FYB2: variants seen among roughly 807,000 people sequenced by gnomAD.
FYB2 encodes the protein FYN-binding protein 2.
A neutral mutation model predicts 94.1 loss-of-function variants in FYB2; 103 were observed. The observed-to-expected ratio is 1.09, with a 90% CI of 0.93 to 1.29. The LOEUF is 1.29. Ranked by LOEUF, FYB2 falls within the 50% of genes most tolerant of loss-of-function variation. The pLI, the probability that FYB2 is intolerant of heterozygous loss-of-function variation, is 0.00. For synonymous variants in FYB2, 293 were observed against 287.9 expected (o/e 1.02, Z -0.18); for missense variants, 896 against 841.5 (o/e 1.06, Z -0.80).
intron 12 of FYB2, 111 bp downstream of exon 12, chr1:56,742,050 G>C: frequency 1.3e-6 from 1 of 766,618 alleles, no homozygotes; most frequent in Non-Finnish European, 2.2e-6. Flanking sequence ...GATGGGAGTC[G>C]GGGGTGGCAG....
intron 5 of FYB2, among the ~76,000 whole-genome samples, chr1:56,765,017 C>G (rs954615894): frequency 2.6e-5 from 4 of 152,158 alleles, no homozygotes; most frequent in Non-Finnish European, 5.9e-5. Context: ...TAAATACCAT[C>G]GCATTGGGGG....
intron 5 of FYB2, among the ~76,000 whole-genome samples, chr1:56,765,266 T>G (rs1025791910): frequency 2.0e-5 from 3 of 152,212 alleles, no homozygotes; most frequent in African/African-American, 7.2e-5. Flanking sequence ...ATGAAGATCC[T>G]TTCTACTAGG....
intron 1 of FYB2, among the ~76,000 whole-genome samples, chr1:56,810,121 AT>A (rs1646732973): frequency 6.6e-6 from 1 of 152,166 alleles, no homozygotes; most frequent in South Asian, 2.1e-4. Flanking sequence ...GATCATGGTG[AT>A]TTTTAGTGAT....
intron 1 of FYB2, among the ~76,000 whole-genome samples, chr1:56,811,624 C>T (rs897976277): frequency 2.6e-5 from 4 of 152,170 alleles, no homozygotes; most frequent in African/African-American, 9.7e-5. Context: ...CTATGTGGCT[C>T]AAACAAGAGA....
chr1:56,818,649 G>A (rs1315736070), intron 1 of FYB2, among the ~76,000 whole-genome samples: 1 of 152,202 alleles, frequency 6.6e-6, no homozygotes, highest in African/African-American at 2.4e-5. Flanking sequence ...GGCAGGGAAT[G>A]CTGGCGTAGG....
chr1:56,757,348 G>A (rs2100735353), intron 6 of FYB2, among the ~76,000 whole-genome samples: 1 of 152,086 alleles, frequency 6.6e-6, no homozygotes, highest in East Asian at 2.0e-4. Context: ...TTACCAGCAA[G>A]CATAAGAGAA....
At chr1:56,784,007 C>T (rs1441622739) in intron 4 of FYB2, among the ~76,000 whole-genome samples, 1 of 152,038 alleles carries the variant, frequency 6.6e-6, no homozygotes, top group Non-Finnish European at 1.5e-5. Flanking sequence ...TTTTATTTAC[C>T]CTCACCACAC....
intron 1 of FYB2, among the ~76,000 whole-genome samples, chr1:56,795,180 T>C (rs188257558): frequency 6.6e-6 from 1 of 152,210 alleles, no homozygotes; most frequent in African/African-American, 2.4e-5. Flanking sequence ...TTCTACACTC[T>C]GTCTCTGAAT....
intron 3 of FYB2, among the ~76,000 whole-genome samples, chr1:56,787,853 T>C (rs1219201825): frequency 6.6e-6 from 1 of 152,218 alleles, no homozygotes; most frequent in Non-Finnish European, 1.5e-5. Flanking sequence ...AGAGAATATT[T>C]GAGGCCTGAA....
chr1:56,776,559 A>C (rs113874280), intron 4 of FYB2, among the ~76,000 whole-genome samples: 5 of 152,180 alleles, frequency 3.3e-5, no homozygotes, highest in African/African-American at 1.2e-4. Context: ...CTTCAACAGC[A>C]TGAAACAAAA....
chr1:56,818,631 A>T (rs11206924), intron 1 of FYB2, among the ~76,000 whole-genome samples: 23,890 of 152,160 alleles, frequency 0.16, 2,403 homozygotes, highest in African/African-American at 0.29. Context: ...GCACTCAGCC[A>T]TCCAAGGGGC....
rs891960821 is a variant in FYB2, at chr1:56,765,614, T to C, written c.1063+2215A>G. On this transcript the variant is annotated intron_variant, in intron 5 of 19. Coordinates refer to ENST00000343433, the MANE Select transcript of FYB2 (RefSeq NM_001004303.5). ...CTGTCTTTCTAGGTTGCCCTTTTCC[T>C]GGTCGTTTGGCTAGAAAGAGCAGGC... 1.6e-4 allele frequency among the ~76,000 whole-genome samples: 24 copies of C among 152,328 alleles called. No individual in the cohort carries two copies. In the South Asian group the frequency reaches 2.1e-3, roughly 13 times the overall value.
intron 1 of FYB2, among the ~76,000 whole-genome samples, chr1:56,802,966 C>A (rs1323311434): frequency 1.3e-5 from 2 of 152,268 alleles, no homozygotes; most frequent in African/African-American, 4.8e-5. Flanking sequence ...TCTATAAAAT[C>A]TCTTCCATCC....
chr1:56,806,009 C>T (rs181623226), intron 1 of FYB2, among the ~76,000 whole-genome samples: 1 of 152,320 alleles, frequency 6.6e-6, no homozygotes, highest in African/African-American at 2.4e-5. Flanking sequence ...CTATGCTATA[C>T]GACATGCCTT....
In FYB2 at chr1:56,792,552, A is replaced by G. The variant is rs1646296001; in HGVS notation, c.261T>C (p.Ile87=). ...GCCCTGGGGAGTTAGAACATTTTGG[A>G]ATTTCACTCTTCTGAGCCAACTTTA... ...QKIKLAQKSE[I]PKCSNSPGPL... is the part of the protein sequence containing the mutation. The change falls in exon 2 of 20, where the codon ATT becomes ATC. Residue 87 remains isoleucine (I), a synonymous_variant. Transcript: ENST00000343433. The G allele has an allele frequency of 6.2e-7, 1 of 1,614,104 alleles. No homozygotes were observed. Among genetic ancestry groups the G allele is most frequent in the South Asian group, 1.1e-5 (1 of 91,072 alleles).
intron 15 of FYB2, among the ~76,000 whole-genome samples, chr1:56,732,606 A>C (rs866868355): frequency 2.0e-5 from 3 of 152,176 alleles, no homozygotes; most frequent in African/African-American, 7.2e-5. Flanking sequence ...TAATCAAAAC[A>C]GCACAGTGTT....
Position 56,726,998 on chromosome 1 carries a change from G to A in FYB2, c.1794-415C>T, listed in dbSNP as rs550600093. Among the ~76,000 whole-genome samples the A allele has an allele frequency of 1.6e-3, 237 of 151,394 alleles. 2 individuals are homozygous for A. The highest frequency in any genetic ancestry group is 4.8e-3 in the South Asian group (23 of 4,802). ...ATGAACAATGTAACTGAACTCCATT[G>A]TGAAACAAGGCTAAGCCAACTAGCA... On this transcript the variant is annotated intron_variant, in intron 15 of 19. Transcript: ENST00000343433.
intron 4 of FYB2, among the ~76,000 whole-genome samples, chr1:56,776,232 T>C (rs947776742): frequency 1.3e-5 from 2 of 152,196 alleles, no homozygotes; most frequent in African/African-American, 4.8e-5. Context: ...CCAACCTTTG[T>C]TAGGCTGACC....
chr1:56,725,681 C>A (rs1417880391), intron 16 of FYB2, among the ~76,000 whole-genome samples: 1 of 152,030 alleles, frequency 6.6e-6, no homozygotes, highest in East Asian at 1.9e-4. Context: ...AAATAAATTA[C>A]ATCAAGTCTA....
Sources: allele counts gnomAD v4.1 joint callset (sites outside exome capture counted in the v4.1 genomes callset), GRCh38; gene constraint gnomAD v4.1.1; transcripts MANE v1.5; gene names NCBI Gene and HGNC (gene_info 2026-07-23, HGNC 2026-07-21).